XRN1: variants seen among roughly 807,000 people sequenced by gnomAD.
XRN1 encodes the protein strand-exchange protein 1 homolog.
XRN1 carries 67 observed loss-of-function variants against 222.3 expected under a neutral mutation model. The ratio of observed to expected loss-of-function variants is 0.30; its 90% CI spans 0.25 to 0.37. XRN1 has a LOEUF of 0.37. Among genes scored for constraint, XRN1 ranks in the 10% least tolerant of loss-of-function variants. The pLI, the probability that XRN1 is intolerant of heterozygous loss-of-function variation, is 1.00. For synonymous variants in XRN1, 643 were observed against 652.4 expected (o/e 0.99, Z 0.22); for missense variants, 1,707 against 2,000.2 (o/e 0.85, Z 2.80).
intron 27 of XRN1, among the ~76,000 whole-genome samples, chr3:142,367,053 C>T (rs756200318): frequency 6.6e-6 from 1 of 152,066 alleles, no homozygotes; most frequent in African/African-American, 2.4e-5. Flanking sequence ...TTTGGGAGGC[C>T]GAGGCAGGTG....
chr3:142,402,745 C>T (rs952496227), intron 18 of XRN1, among the ~76,000 whole-genome samples: 2 of 152,118 alleles, frequency 1.3e-5, no homozygotes, highest in African/African-American at 2.4e-5. Flanking sequence ...ATCATTTCAT[C>T]CCCCTAAACT....
intron 37 of XRN1, among the ~76,000 whole-genome samples, chr3:142,324,664 A>T (rs545482396): frequency 6.6e-6 from 1 of 151,772 alleles, no homozygotes; most frequent in Admixed American, 6.5e-5. Context: ...CCCTGAGGAA[A>T]TGCCACACTG....
At chr3:142,332,799 A>G in intron 35 of XRN1, 168 bp downstream of exon 35, 1 of 1,046,428 alleles carries the variant, frequency 9.6e-7, no homozygotes, top group Non-Finnish European at 1.3e-6. Context: ...TAAAGAGAAA[A>G]AGTATGGCTA....
chr3:142,357,035 C>G lies in XRN1; in HGVS notation c.3549G>C (p.Gln1183His), dbSNP rs1193262191. Residue 1183 changes from glutamine (Q) to histidine (H), a missense_variant, in exon 31 of 41, where the codon CAG (glutamine) becomes CAC (histidine). Transcript: ENST00000392981. ...SHGSRSETGN[Q>H]KLTAIVKPQP... ...GTGGTTTTACGATGGCTGTCAACTT[C>G]TGATTTCCAGTTTCAGAGCGACTCC... The G allele has an allele frequency of 1.9e-6, 3 of 1,613,956 alleles. No homozygotes were observed. Among genetic ancestry groups the G allele is most frequent in the Non-Finnish European group, 2.5e-6 (3 of 1,179,976 alleles).
At chr3:142,361,404 C>T (rs913630477) in intron 29 of XRN1, among the ~76,000 whole-genome samples, 1 of 152,120 alleles carries the variant, frequency 6.6e-6, no homozygotes, top group African/African-American at 2.4e-5. Flanking sequence ...GGGTAAATAC[C>T]CACCTATGAA....
intron 1 of XRN1, among the ~76,000 whole-genome samples, chr3:142,442,595 T>C (rs1427269313): frequency 2.0e-5 from 3 of 152,182 alleles, no homozygotes; most frequent in East Asian, 1.9e-4. Flanking sequence ...TAGGCATTGA[T>C]AGCACCCATC....
At chr3:142,323,402 G>T (rs540564322) in intron 37 of XRN1, among the ~76,000 whole-genome samples, 3 of 151,286 alleles carry the variant, frequency 2.0e-5, no homozygotes, top group African/African-American at 7.3e-5. Flanking sequence ...GGCTGGTCTC[G>T]AACTCCTTAC....
intron 23 of XRN1, among the ~76,000 whole-genome samples, chr3:142,378,725 A>C (rs2067214172): frequency 6.6e-6 from 1 of 152,114 alleles, no homozygotes; most frequent in African/African-American, 2.4e-5. Context: ...CAAAGAAATA[A>C]TACAAGAAAG....
intron 33 of XRN1, among the ~76,000 whole-genome samples, chr3:142,340,750 G>A (rs1201748795): frequency 6.6e-6 from 1 of 152,178 alleles, no homozygotes; most frequent in Non-Finnish European, 1.5e-5. Flanking sequence ...AATCTTACAG[G>A]CGAGAAGACA....
chr3:142,439,297 T>C (rs531899220), intron 1 of XRN1, among the ~76,000 whole-genome samples: 8 of 152,316 alleles, frequency 5.3e-5, no homozygotes, highest in Non-Finnish European at 8.8e-5. Flanking sequence ...GTTAGGTCAA[T>C]GATAGGATGA....
At chr3:142,440,919 T>C (rs1188215020) in intron 1 of XRN1, among the ~76,000 whole-genome samples, 1 of 152,162 alleles carries the variant, frequency 6.6e-6, no homozygotes, top group South Asian at 2.1e-4. Context: ...CCCCAACTAT[T>C]TGGCTAGGAA....
chr3:142,391,546 C>A (rs1232449086), intron 20 of XRN1, among the ~76,000 whole-genome samples: 1 of 151,844 alleles, frequency 6.6e-6, no homozygotes, highest in Non-Finnish European at 1.5e-5. Flanking sequence ...CTGAGCAACA[C>A]AGTGATACCC....
intron 39 of XRN1, 80 bp downstream of exon 39, chr3:142,318,512 A>T: frequency 8.0e-7 from 1 of 1,248,468 alleles, no homozygotes; most frequent in Non-Finnish European, 1.1e-6. Flanking sequence ...TAGATATTTG[A>T]GTACATTCTT....
chr3:142,334,767 T>TACAC (rs761753366), intron 34 of XRN1, among the ~76,000 whole-genome samples: 4,257 of 90,356 alleles, frequency 0.047, 183 homozygotes, highest in African/African-American at 0.12. Flanking sequence ...TGTCTATGTA[T>TACAC]ACACACACAC....
At chr3:142,353,199 A>G (rs753287186) in intron 32 of XRN1, among the ~76,000 whole-genome samples, 1 of 152,238 alleles carries the variant, frequency 6.6e-6, no homozygotes, top group African/African-American at 2.4e-5. Flanking sequence ...TGAATTTAAA[A>G]TATAGTTACT....
rs1208620347 is a variant in XRN1, at chr3:142,380,104, T to A, written c.2693A>T (p.Asp898Val). 1.2e-6 allele frequency: 2 copies of A among 1,613,910 alleles called. No homozygotes were observed. The highest frequency in any genetic ancestry group is 1.7e-6 in the Non-Finnish European group (2 of 1,179,896). ...IFSIPCEPNLDALIQNQHKYS... is the reference protein window; with the variant it reads ...IFSIPCEPNLVALIQNQHKYS... ...CACATGCTGGTTCTGTATTAAAGCA[T>A]CAAGATTGGGTTCACATGGAATGCT... The change falls in exon 23 of 41, where the codon GAT becomes GTT. Residue 898 changes from aspartate (D) to valine (V), a missense_variant. This residue lies in a region of XRN1 where 1,234 missense variants were observed against 1,518.2 expected (regional missense o/e 0.81). Coordinates refer to ENST00000392981, the MANE Select transcript of XRN1 (RefSeq NM_001282857.2).
intron 10 of XRN1, among the ~76,000 whole-genome samples, chr3:142,419,453 T>C (rs2068916058): frequency 6.6e-6 from 1 of 152,158 alleles, no homozygotes; most frequent in African/African-American, 2.4e-5. Context: ...TTGCCCCTCC[T>C]GGAGCAAGAG....
Position 142,335,428 on chromosome 3 carries a change from T to A in XRN1, c.3939+20A>T. The stretch of plus-strand genomic sequence containing the variant: ...CATTAAAAAATTGGTAACTAGAAAT[T>A]TGATTTTAAGGAAGCTTACCTGCTT... On this transcript the variant is annotated intron_variant, in intron 34 of 40. Coordinates refer to ENST00000392981, the MANE Select transcript of XRN1 (RefSeq NM_001282857.2). 6.2e-7 allele frequency: 1 copy of A among 1,612,314 alleles called. No homozygotes were observed. The highest frequency in any genetic ancestry group is 8.5e-7 in the Non-Finnish European group (1 of 1,178,648).
chr3:142,404,006 G>A lies in XRN1; in HGVS notation c.1884-17C>T, dbSNP rs747060490. ...ATTTTATACCTAGAAAATAAATCAA[G>A]GCATTTAATTTAAAATTAATACATT... On this transcript the variant is annotated splice_polypyrimidine_tract_variant and intron_variant, in intron 16 of 40. Transcript: ENST00000392981. 5 of 1,538,754 alleles carry A rather than the reference G, an allele frequency of 3.2e-6. No individual in the cohort carries two copies. The East Asian group carries it at 1.1e-4, about 35-fold the overall frequency.
Sources: gnomAD v4.1 joint callset for allele counts (sites outside exome capture counted in the v4.1 genomes callset) on GRCh38, gnomAD v4.1.1 for gene constraint, gnomAD v4.1.1 regional missense constraint, MANE v1.5 for transcripts, NCBI Gene and HGNC (gene_info 2026-07-23, HGNC 2026-07-21) for gene names.